MITF: variants seen among roughly 807,000 people sequenced by gnomAD.
The protein encoded by MITF is microphthalmia-associated transcription factor.
In MITF, 17 loss-of-function variants were observed where a neutral mutation model predicts 60.5. The ratio of observed to expected loss-of-function variants is 0.28; its 90% CI spans 0.19 to 0.42. The LOEUF is 0.42. MITF is among the 10% of genes least tolerant of loss of function. The pLI, the probability that MITF is intolerant of heterozygous loss-of-function variation, is 1.00. For missense variants in MITF, 622 were observed against 683.5 expected (o/e 0.91, Z 1.00); for synonymous variants, 260 against 248.5 (o/e 1.05, Z -0.43).
At position 69,911,028 on chromosome 3, in the gene MITF, C is replaced by A. The variant is rs184851352; in HGVS notation, c.355-26794C>A. Among the ~76,000 whole-genome samples, 3 of 152,166 alleles carry A rather than the reference C, an allele frequency of 2.0e-5. No individual in the cohort carries two copies. The East Asian group carries it at 5.8e-4, about 29-fold the overall frequency. ...AACTTGAATTGTATCTCCCAGAATT[C>A]CCACATGTTGTGGCAGGGACCCAGG... On this transcript the variant is annotated intron_variant, in intron 2 of 9. Coordinates refer to ENST00000352241, the MANE Select transcript of MITF (RefSeq NM_001354604.2).
At chr3:69,876,775 G>A (rs991288249) in intron 1 of MITF, among the ~76,000 whole-genome samples, 5 of 152,112 alleles carry the variant, frequency 3.3e-5, no homozygotes, top group Non-Finnish European at 7.4e-5. Flanking sequence ...CTTTCCCATC[G>A]TATTGTCAAA....
At chr3:69,837,999 C>T (rs906950573) in intron 1 of MITF, among the ~76,000 whole-genome samples, 8 of 151,992 alleles carry the variant, frequency 5.3e-5, no homozygotes, top group African/African-American at 1.5e-4. Context: ...TTCAAATTGC[C>T]AGCAGTGATT....
chr3:69,805,189 T>TC (rs1188317410), intron 1 of MITF, among the ~76,000 whole-genome samples: 3 of 152,208 alleles, frequency 2.0e-5, no homozygotes, highest in Non-Finnish European at 4.4e-5. Context: ...AGATAATTGA[T>TC]CTATTGCCAC....
chr3:69,742,217 A>G (rs1270107032), intron 1 of MITF, among the ~76,000 whole-genome samples: 1 of 152,100 alleles, frequency 6.6e-6, no homozygotes, highest in Admixed American at 6.6e-5. Context: ...CCCTGGGGTC[A>G]TTTGACAGTG....
intron 1 of MITF, among the ~76,000 whole-genome samples, chr3:69,837,913 T>A (rs1469828895): frequency 2.0e-5 from 3 of 152,212 alleles, no homozygotes; most frequent in African/African-American, 7.2e-5. Flanking sequence ...AAGGGTTTTT[T>A]GAAGTGTGTA....
At chr3:69,846,915 C>G (rs1310416850) in intron 1 of MITF, among the ~76,000 whole-genome samples, 1 of 151,872 alleles carries the variant, frequency 6.6e-6, no homozygotes, top group South Asian at 2.1e-4. Context: ...AGGAAGATGC[C>G]TAGTCCTGAA....
intron 2 of MITF, among the ~76,000 whole-genome samples, chr3:69,935,049 G>A (rs2107469746): frequency 6.6e-6 from 1 of 152,290 alleles, no homozygotes; most frequent in South Asian, 2.1e-4. Flanking sequence ...CTGCTAGATA[G>A]ATGTGTGTCC....
intron 2 of MITF, among the ~76,000 whole-genome samples, chr3:69,923,947 G>A (rs186067870): frequency 5.3e-5 from 8 of 152,024 alleles, no homozygotes; most frequent in Admixed American, 2.6e-4. Flanking sequence ...TTATAGTGAG[G>A]AAAAATAAAG....
At chr3:69,838,082 AATT>A (rs1335573657) in intron 1 of MITF, among the ~76,000 whole-genome samples, 1 of 152,220 alleles carries the variant, frequency 6.6e-6, no homozygotes, top group Non-Finnish European at 1.5e-5. Flanking sequence ...TAGCATTTCT[AATT>A]ATTATTATAA....
intron 6 of MITF, among the ~76,000 whole-genome samples, chr3:69,949,663 GC>G (rs2066192581): frequency 6.6e-6 from 1 of 152,064 alleles, no homozygotes; most frequent in Non-Finnish European, 1.5e-5. Context: ...TGTATTGTGT[GC>G]AAAAGATTTA....
Position 69,905,323 on chromosome 3 carries a change from T to A in MITF, c.354+25940T>A, listed in dbSNP as rs1471399824. ...TGGCACGTATCAATATCTCATTCCT[T>A]TATATTGCCAACTGTATTCTTTTAT... On this transcript the variant is annotated intron_variant, in intron 2 of 9. Transcript: ENST00000352241. Among the ~76,000 whole-genome samples the A allele has an allele frequency of 2.0e-5, 3 of 152,270 alleles. No individual in the cohort carries two copies. In the East Asian group the frequency reaches 5.8e-4, roughly 29 times the overall value.
In MITF at chr3:69,895,302, G is replaced by C. The variant is rs181614145; in HGVS notation, c.354+15919G>C. On this transcript the variant is annotated intron_variant, in intron 2 of 9. Coordinates refer to ENST00000352241, the MANE Select transcript of MITF (RefSeq NM_001354604.2). Reference sequence around the variant, plus strand: ...CAGTTTCTCCTTGAGGGTGGCAACAGGTGAGTTGAGAAAAGCCTCTTTTTT... The same window carrying C: ...CAGTTTCTCCTTGAGGGTGGCAACACGTGAGTTGAGAAAAGCCTCTTTTTT... Among the ~76,000 whole-genome samples, 5 of 152,314 alleles carry C rather than the reference G, an allele frequency of 3.3e-5. No homozygotes were observed. The East Asian group carries it at 9.6e-4, about 29-fold the overall frequency.
intron 1 of MITF, among the ~76,000 whole-genome samples, chr3:69,878,589 T>G (rs375302955): frequency 2.0e-5 from 3 of 152,284 alleles, no homozygotes; most frequent in African/African-American, 7.2e-5. Flanking sequence ...CCCAAATGCT[T>G]CCTTCATTAA....
intron 2 of MITF, among the ~76,000 whole-genome samples, chr3:69,920,265 A>G (rs923577889): frequency 1.3e-5 from 2 of 152,172 alleles, no homozygotes; most frequent in Non-Finnish European, 2.9e-5. Context: ...GGTAGCGGAA[A>G]GTGTCAAGGA....
chr3:69,918,559 T>C (rs2065390864), intron 2 of MITF, among the ~76,000 whole-genome samples: 1 of 152,166 alleles, frequency 6.6e-6, no homozygotes, highest in African/African-American at 2.4e-5. Flanking sequence ...CCACGATGCA[T>C]CCTGCATATT....
chr3:69,816,830 G>A (rs543425987), intron 1 of MITF, among the ~76,000 whole-genome samples: 115 of 152,272 alleles, frequency 7.6e-4, no homozygotes, highest in African/African-American at 2.6e-3. Flanking sequence ...GGTGGTGGTG[G>A]TCGTGGTATT....
At chr3:69,870,340 G>A (rs2064205051) in intron 1 of MITF, among the ~76,000 whole-genome samples, 1 of 147,966 alleles carries the variant, frequency 6.8e-6, no homozygotes, top group South Asian at 2.1e-4. Flanking sequence ...ACACATACAT[G>A]TGTGTATATA....
chr3:69,755,815 A>G (rs928995570), intron 1 of MITF, among the ~76,000 whole-genome samples: 2 of 152,112 alleles, frequency 1.3e-5, no homozygotes, highest in African/African-American at 4.8e-5. Flanking sequence ...ATGAGATGCT[A>G]CCTGTAGTAA....
intron 8 of MITF, among the ~76,000 whole-genome samples, chr3:69,958,139 T>C (rs898091168): frequency 1.3e-5 from 2 of 152,184 alleles, no homozygotes; most frequent in Admixed American, 1.3e-4. Flanking sequence ...CCCAAGATAA[T>C]TGGTTGAAAC....
Sources: allele counts gnomAD v4.1 joint callset (sites outside exome capture counted in the v4.1 genomes callset), GRCh38; gene constraint gnomAD v4.1.1; transcripts MANE v1.5; gene names NCBI Gene and HGNC (gene_info 2026-07-23, HGNC 2026-07-21).